Variants in GCFC2 observed in about 807,000 individuals in gnomAD.
GCFC2 encodes the protein GC-rich sequence DNA-binding factor 2, also known as intron Large complex component GCFC2.
Under a neutral mutation model 99.4 loss-of-function variants are expected in GCFC2, and 102 were observed. The observed-to-expected ratio is 1.03, with a 90% confidence interval of 0.87 to 1.21. The LOEUF (loss-of-function observed/expected upper bound fraction) is 1.21, where lower values mean the gene tolerates loss of function less well. Among genes scored for constraint, GCFC2 ranks in the 50% most tolerant of loss-of-function variants. The probability of loss-of-function intolerance (pLI) is 0.00; values close to 1 mark genes in which losing one functional copy is unlikely to be tolerated. For missense variants in GCFC2, 973 were observed against 920.9 expected (o/e 1.06, Z -0.73); for synonymous variants, 338 against 316.8 (o/e 1.07, Z -0.71).
At chr2:75,693,536 T>A (rs919374832) in intron 6 of GCFC2, among the ~76,000 whole-genome samples, 3 of 151,976 alleles carry the variant, frequency 2.0e-5, no homozygotes, top group African/African-American at 7.3e-5. Context: ...AACAGACAAC[T>A]GAAGGCCTGC....
chr2:75,697,913 G>A (rs1400439278), intron 4 of GCFC2: 1 of 152,210 alleles, frequency 6.6e-6, no homozygotes, highest in Admixed American at 6.5e-5. Flanking sequence ...CAGAGTTTCT[G>A]GAAAGGGGGG....
intron 6 of GCFC2, among the ~76,000 whole-genome samples, chr2:75,692,940 T>G (rs1680152995): frequency 6.6e-6 from 1 of 152,138 alleles, no homozygotes; most frequent in Non-Finnish European, 1.5e-5. Flanking sequence ...TTCCTCCTAC[T>G]CCATTGATAC....
At chr2:75,703,731 A>G (rs1264933828) in intron 2 of GCFC2, among the ~76,000 whole-genome samples, 3 of 152,210 alleles carry the variant, frequency 2.0e-5, no homozygotes, top group Non-Finnish European at 2.9e-5. Flanking sequence ...GAGAAGCTTG[A>G]CATACCCAGG....
chr2:75,700,363 CACT>C (rs1680531522), intron 4 of GCFC2, among the ~76,000 whole-genome samples: 1 of 151,774 alleles, frequency 6.6e-6, no homozygotes, highest in African/African-American at 2.4e-5. Flanking sequence ...CCATAGGGTT[CACT>C]ACAATAAAAA....
intron 3 of GCFC2, 112 bp from the exon 4 acceptor site, chr2:75,701,399 T>A (rs1680586297): frequency 1.6e-6 from 1 of 634,048 alleles, no homozygotes; most frequent in Non-Finnish European, 2.8e-6. Context: ...ACGTGTTATT[T>A]ATTCTTCATA....
intron 15 of GCFC2, among the ~76,000 whole-genome samples, chr2:75,667,646 T>C (rs1286539168): frequency 6.6e-6 from 1 of 152,222 alleles, no homozygotes; most frequent in Non-Finnish European, 1.5e-5. Context: ...TGCACTTGTT[T>C]TCCCCTTGTT....
intron 4 of GCFC2, chr2:75,697,551 T>C (rs190041046): frequency 6.6e-6 from 1 of 152,398 alleles, no homozygotes; most frequent in Admixed American, 6.5e-5. Flanking sequence ...TCACAGCACC[T>C]GTAGGATTTC....
intron 1 of GCFC2, among the ~76,000 whole-genome samples, chr2:75,708,130 C>T (rs1011616024): frequency 6.6e-6 from 1 of 152,096 alleles, no homozygotes; most frequent in Non-Finnish European, 1.5e-5. Context: ...ACTAACAAAC[C>T]GATTATTCAG....
chr2:75,689,071 T>C lies in GCFC2; in HGVS notation c.1494A>G (p.Leu498=), dbSNP rs1265006671. The C allele has an allele frequency of 6.3e-7, 1 of 1,597,398 alleles. No individual in the cohort carries two copies. The highest frequency in any genetic ancestry group is 1.7e-5 in the Admixed American group (1 of 58,850). ...AFISLCIPKL[L]NPLIRVQLID... The stretch of plus-strand genomic sequence containing the variant: ...TCAACTGAACTCGTATTAGGGGATT[T>C]AAAAGCTTTGGTATGCATAAACTAA... Residue 498 remains leucine, a synonymous_variant, in exon 10 of 17, where the codon TTA becomes TTG. Coordinates refer to ENST00000321027, the MANE Select transcript of GCFC2 (RefSeq NM_003203.5).
chr2:75,686,942 T>G (rs1416245206), intron 11 of GCFC2, among the ~76,000 whole-genome samples: 1 of 151,832 alleles, frequency 6.6e-6, no homozygotes, highest in Non-Finnish European at 1.5e-5. Flanking sequence ...AAGCAATTTT[T>G]TTTTTTTTTG....
intron 12 of GCFC2, among the ~76,000 whole-genome samples, chr2:75,679,507 C>CT (rs1411579568): frequency 1.3e-5 from 2 of 152,178 alleles, no homozygotes; most frequent in African/African-American, 4.8e-5. Flanking sequence ...CCCAATATGT[C>CT]TTATGTTCAC....
At chr2:75,676,839 A>T (rs535221598) in intron 12 of GCFC2, among the ~76,000 whole-genome samples, 27 of 152,324 alleles carry the variant, frequency 1.8e-4, no homozygotes, top group African/African-American at 6.0e-4. Context: ...AATCTTTTGA[A>T]ATCTTCTTGG....
At chr2:75,687,122 G>C (rs1181870158) in intron 11 of GCFC2, among the ~76,000 whole-genome samples, 1 of 152,124 alleles carries the variant, frequency 6.6e-6, no homozygotes, top group Non-Finnish European at 1.5e-5. Context: ...TTTTAGTAGA[G>C]ACGAGGTTTC....
chr2:75,666,411 T>C (rs1678837502), intron 15 of GCFC2, among the ~76,000 whole-genome samples: 1 of 152,172 alleles, frequency 6.6e-6, no homozygotes, highest in Non-Finnish European at 1.5e-5. Flanking sequence ...CTAAAATACA[T>C]ACATTCACTA....
At chr2:75,690,821 T>C (rs942188439) in intron 7 of GCFC2, 102 bp from the exon 8 acceptor site, 7 of 645,980 alleles carry the variant, frequency 1.1e-5, no homozygotes, top group Middle Eastern at 7.1e-4. Context: ...AACATATGCA[T>C]ATGTAAATAC....
Position 75,664,725 on chromosome 2 carries a change from C to T in GCFC2, c.2287G>A (p.Glu763Lys). 1 of 1,575,438 alleles carries T rather than the reference C, an allele frequency of 6.3e-7. No homozygotes were observed. The highest frequency in any genetic ancestry group is 8.7e-7 in the Non-Finnish European group (1 of 1,146,166). The stretch of plus-strand genomic sequence containing the variant: ...AGGTGATGCTCTCCTATGAAGGATT[C>T]TGCTTGATTCAAAGCTTTTATTTTC... ...LVKIKALNQAESFIGEHHLDH... is the reference protein window; with the variant it reads ...LVKIKALNQAKSFIGEHHLDH... The change falls in exon 17 of 17, where the codon GAA (glutamate) becomes AAA (lysine). Residue 763 changes from glutamate to lysine, a missense_variant. Coordinates refer to ENST00000321027, the MANE Select transcript of GCFC2 (RefSeq NM_003203.5).
At position 75,694,253 on chromosome 2, in the gene GCFC2, GCAGT is replaced by G. The variant is rs1680208165; in HGVS notation, c.1004_1007del (p.Asp335AlafsTer12). 4 of 933,868 alleles carry G rather than the reference GCAGT, an allele frequency of 4.3e-6. No individual in the cohort carries two copies. The highest frequency in any genetic ancestry group is 6.7e-6 in the Non-Finnish European group (4 of 598,384). 57.8% of individuals were successfully genotyped at this position (933,868 alleles called of 1,614,324 possible). On this transcript the variant is annotated frameshift_variant, in exon 6 of 17. Transcript: ENST00000321027. LOFTEE classifies it high-confidence loss of function. ...TATTGATATGTACCTTTTCATTAAG[GCAGT>G]CAATTAAATTTTCCACATAAATTTT...
intron 12 of GCFC2, chr2:75,679,709 T>C (rs1003356949): frequency 1.3e-5 from 5 of 398,410 alleles, no homozygotes; most frequent in African/African-American, 6.2e-5. Context: ...AGGTAATGAG[T>C]ATTGTTGTCT....
intron 2 of GCFC2, among the ~76,000 whole-genome samples, chr2:75,704,797 G>T (rs1488666364): frequency 6.6e-6 from 1 of 152,164 alleles, no homozygotes; most frequent in Non-Finnish European, 1.5e-5. Context: ...CAATTCTTTT[G>T]CCTCAGTCCC....
Sources: gnomAD v4.1 joint callset for allele counts (sites outside exome capture counted in the v4.1 genomes callset) on GRCh38, gnomAD v4.1.1 for gene constraint, MANE v1.5 for transcripts, NCBI Gene and HGNC (gene_info 2026-07-23, HGNC 2026-07-21) for gene names.